Variants in ST8SIA6 observed in about 807,000 individuals in gnomAD.
ST8SIA6 encodes alpha-2,8-sialyltransferase 8F.
ST8SIA6 carries 39 observed loss-of-function variants against 33.6 expected under a neutral mutation model. The ratio of observed to expected loss-of-function variants is 1.16; its 90% CI spans 0.90 to 1.52. The LOEUF (loss-of-function observed/expected upper bound fraction) is 1.52, where lower values mean the gene tolerates loss of function less well. Ranked by LOEUF, ST8SIA6 falls within the 40% of genes most tolerant of loss-of-function variation. The pLI, the probability that ST8SIA6 is intolerant of heterozygous loss-of-function variation, is 0.00. For missense variants in ST8SIA6, 441 were observed against 443.8 expected (o/e 0.99, Z 0.06); for synonymous variants, 172 against 167.2 (o/e 1.03, Z -0.22).
At chr10:17,423,453 CTGTT>C (rs1482737833) in intron 2 of ST8SIA6, among the ~76,000 whole-genome samples, 2 of 152,166 alleles carry the variant, frequency 1.3e-5, no homozygotes, top group Non-Finnish European at 2.9e-5. Context: ...GACCTCATGT[CTGTT>C]TGGTTCTTTG....
intron 1 of ST8SIA6, among the ~76,000 whole-genome samples, 179 bp downstream of exon 1, chr10:17,453,976 G>T (rs1347073005): frequency 2.6e-5 from 4 of 152,018 alleles, no homozygotes; most frequent in Non-Finnish European, 4.4e-5. Flanking sequence ...ACCGGTCGGA[G>T]GGTCGCCTCC....
intron 2 of ST8SIA6, among the ~76,000 whole-genome samples, chr10:17,448,593 T>C (rs1852800565): frequency 7.9e-6 from 1 of 126,764 alleles, no homozygotes; most frequent in African/African-American, 3.8e-5. Flanking sequence ...GGCAGGGTTT[T>C]TATTGTTGTT....
chr10:17,403,357 T>G (rs186324712), intron 2 of ST8SIA6, among the ~76,000 whole-genome samples: 1 of 152,336 alleles, frequency 6.6e-6, no homozygotes, highest in Admixed American at 6.5e-5. Flanking sequence ...GTTGCAAACA[T>G]GAGCATCTGT....
chr10:17,369,998 T>C (rs1321252060), intron 3 of ST8SIA6, among the ~76,000 whole-genome samples: 1 of 152,022 alleles, frequency 6.6e-6, no homozygotes, highest in African/African-American at 2.4e-5. Flanking sequence ...ACTGACTTTT[T>C]TTTTTTTTTT....
chr10:17,395,040 T>C (rs1432352566), intron 2 of ST8SIA6, among the ~76,000 whole-genome samples: 1 of 152,178 alleles, frequency 6.6e-6, no homozygotes, highest in Non-Finnish European at 1.5e-5. Context: ...TCCCACGTGT[T>C]GTGGGAAGGA....
rs1174340386 is a variant in ST8SIA6, at chr10:17,321,227, A to G, written c.848T>C (p.Val283Ala). ...FRANTGTSFK[V>A]YYTLEESKAR... ...TTTAGACTCTTCGAGCGTGTAGTAT[A>G]CTTTGAAAGAGGTACCCGTGTTGGC... Residue 283 changes from valine (V) to alanine (A), a missense_variant, in exon 8 of 8, where the codon GTA (valine) becomes GCA (alanine). By Grantham distance (64) the Val-to-Ala change is moderately conservative. Coordinates refer to ENST00000377602, the MANE Select transcript of ST8SIA6 (RefSeq NM_001004470.3). 5 of 1,613,980 alleles carry G rather than the reference A, an allele frequency of 3.1e-6. No homozygotes were observed. Among genetic ancestry groups the G allele is most frequent in the East Asian group, 2.2e-5 (1 of 44,900 alleles).
At chr10:17,446,374 T>C (rs1588935774) in intron 2 of ST8SIA6, among the ~76,000 whole-genome samples, 1 of 152,174 alleles carries the variant, frequency 6.6e-6, no homozygotes, top group African/African-American at 2.4e-5. Context: ...CTTGGTGGAC[T>C]CAATGAAATA....
chr10:17,391,295 C>T (rs1053481814), intron 2 of ST8SIA6, among the ~76,000 whole-genome samples: 2 of 151,428 alleles, frequency 1.3e-5, no homozygotes, highest in African/African-American at 2.4e-5. Context: ...TGGAGTGTTG[C>T]TCTGTCGCCC....
At chr10:17,447,298 G>A (rs1410938882) in intron 2 of ST8SIA6, among the ~76,000 whole-genome samples, 3 of 151,708 alleles carry the variant, frequency 2.0e-5, no homozygotes, top group African/African-American at 7.3e-5. Context: ...CCCAGCTACT[G>A]AGGAGGCGGA....
In ST8SIA6 at chr10:17,315,835, C is replaced by T. The variant is rs561420744; in HGVS notation, c.*5043G>A. On this transcript the variant is annotated 3_prime_UTR_variant, in exon 8 of 8. Coordinates refer to ENST00000377602, the MANE Select transcript of ST8SIA6 (RefSeq NM_001004470.3). The stretch of plus-strand genomic sequence containing the variant: ...ATATACATTGTCTTAATTGGAGAGA[C>T]GGTTTCATGGGTATATGCATGTACA... Among the ~76,000 whole-genome samples, 12 of 151,856 alleles carry T rather than the reference C, an allele frequency of 7.9e-5. No individual in the cohort carries two copies. Among genetic ancestry groups the T allele is most frequent in the East Asian group, 7.7e-4 (4 of 5,166 alleles).
intron 2 of ST8SIA6, among the ~76,000 whole-genome samples, chr10:17,396,736 G>A (rs1329019628): frequency 6.6e-6 from 1 of 151,910 alleles, no homozygotes; most frequent in East Asian, 1.9e-4. Flanking sequence ...AAAAACAAAC[G>A]AAATCACCCA....
At chr10:17,436,197 T>A (rs1280696868) in intron 2 of ST8SIA6, among the ~76,000 whole-genome samples, 1 of 152,186 alleles carries the variant, frequency 6.6e-6, no homozygotes, top group Non-Finnish European at 1.5e-5. Context: ...ATAACACTTG[T>A]CTTACTGATA....
chr10:17,431,827 A>G (rs1242147799), intron 2 of ST8SIA6, among the ~76,000 whole-genome samples: 1 of 152,242 alleles, frequency 6.6e-6, no homozygotes, highest in Non-Finnish European at 1.5e-5. Flanking sequence ...AATGAAACAG[A>G]CAAACATCTC....
In ST8SIA6 at chr10:17,317,567, A is replaced by G. The variant is rs1847816205; in HGVS notation, c.*3311T>C. Among the ~76,000 whole-genome samples the G allele has an allele frequency of 6.6e-6, 1 of 152,214 alleles. No homozygotes were observed. The highest frequency in any genetic ancestry group is 2.1e-4 in the South Asian group (1 of 4,836). ...TCTTGAAGATCACAATATATTATAT[A>G]TCACATCTTAACTATACTTCTGCAG... On this transcript the variant is annotated 3_prime_UTR_variant, in exon 8 of 8. Coordinates refer to ENST00000377602, the MANE Select transcript of ST8SIA6 (RefSeq NM_001004470.3).
chr10:17,322,032 G>T (rs1192681602), intron 7 of ST8SIA6, among the ~76,000 whole-genome samples: 1 of 151,868 alleles, frequency 6.6e-6, no homozygotes, highest in Non-Finnish European at 1.5e-5. Context: ...GAGCCCAGGA[G>T]TTTGAGGCTG....
rs1308204307 is a variant in ST8SIA6, at chr10:17,454,431, C to G, written c.-176G>C. On this transcript the variant is annotated 5_prime_UTR_variant, in exon 1 of 8. Coordinates refer to ENST00000377602, the MANE Select transcript of ST8SIA6 (RefSeq NM_001004470.3). The surrounding 1 kb of genome is among the most constrained non-coding windows in gnomAD (Gnocchi z 4.1). ...CGCAGCCCACCCGGCAGAGTCTCCG[C>G]GGCGGGCGGAGAAGAAGCCGCGTTC... The G allele has an allele frequency of 2.5e-5, 4 of 157,002 alleles. No homozygotes were observed. Among genetic ancestry groups the G allele is most frequent in the Admixed American group, 1.3e-4 (2 of 15,406 alleles). The allele number at this position is 157,002 out of a possible 1,614,324, so 9.7% of individuals were successfully genotyped here. A position where few individuals can be genotyped will look rare whatever the true frequency, so the allele number is the denominator to read the frequency against.
In ST8SIA6 at chr10:17,454,347, G is replaced by A; in HGVS notation, c.-92C>T. The A allele has an allele frequency of 6.2e-6, 1 of 160,142 alleles. No homozygotes were observed. The highest frequency in any genetic ancestry group is 1.3e-5 in the Non-Finnish European group (1 of 74,184). 9.9% of individuals were successfully genotyped at this position (160,142 alleles called of 1,614,324 possible). A position where few individuals can be genotyped will look rare whatever the true frequency, so the allele number is the denominator to read the frequency against. On this transcript the variant is annotated 5_prime_UTR_variant, in exon 1 of 8. Coordinates refer to ENST00000377602, the MANE Select transcript of ST8SIA6 (RefSeq NM_001004470.3). The surrounding 1 kb of genome is among the most constrained non-coding windows in gnomAD (Gnocchi z 4.1). ...CGCGGCTCCCGCCGCCGCCGCCACC[G>A]CCGCCGTGGCCGCAGCCCCGCGCAC...
intron 6 of ST8SIA6, among the ~76,000 whole-genome samples, chr10:17,323,767 T>C (rs1386388233): frequency 2.0e-5 from 3 of 152,188 alleles, no homozygotes; most frequent in African/African-American, 7.2e-5. Context: ...TTACACCTTG[T>C]CTAAGTTTAG....
At chr10:17,451,936 C>T (rs951944220) in intron 2 of ST8SIA6, among the ~76,000 whole-genome samples, 1 of 152,014 alleles carries the variant, frequency 6.6e-6, no homozygotes, top group Non-Finnish European at 1.5e-5. Context: ...AAGAAGTATG[C>T]CAAGTAGAAA....
Sources: gnomAD v4.1 joint callset for allele counts (sites outside exome capture counted in the v4.1 genomes callset) on GRCh38, gnomAD v4.1.1 for gene constraint, Gnocchi (gnomAD v3.1) non-coding constraint, MANE v1.5 for transcripts, NCBI Gene and HGNC (gene_info 2026-07-23, HGNC 2026-07-21) for gene names.